Variants in THRB observed in about 807,000 individuals in gnomAD.
THRB encodes the protein thyroid hormone receptor beta.
Under a neutral mutation model 47.8 loss-of-function variants are expected in THRB, and 12 were observed. The ratio of observed to expected loss-of-function variants is 0.25; its 90% CI spans 0.16 to 0.41. The LOEUF (loss-of-function observed/expected upper bound fraction) is 0.41, where lower values mean the gene tolerates loss of function less well. Ranked by LOEUF, THRB falls within the 10% of genes least tolerant of loss-of-function variation. THRB has a pLI of 1.00. For synonymous variants in THRB, 218 were observed against 212.2 expected, an observed-to-expected ratio of 1.03 and a Z score of -0.24; for missense variants, 348 against 589.2, an observed-to-expected ratio of 0.59 and a Z score of 4.24.
At chr3:24,466,055 A>G (rs533631216) in intron 1 of THRB, among the ~76,000 whole-genome samples, 63 of 152,166 alleles carry the variant, frequency 4.1e-4, no homozygotes, top group African/African-American at 1.5e-3. Flanking sequence ...AGTTTTAGGC[A>G]TTATCTATTT....
At chr3:24,209,076 AT>A (rs2045728708) in intron 4 of THRB, among the ~76,000 whole-genome samples, 1 of 152,278 alleles carries the variant, frequency 6.6e-6, no homozygotes, top group Non-Finnish European at 1.5e-5. Context: ...CAACAGGCAC[AT>A]GAAAAAATGC....
intron 1 of THRB, among the ~76,000 whole-genome samples, chr3:24,403,995 C>T (rs983887721): frequency 3.3e-5 from 5 of 151,968 alleles, no homozygotes; most frequent in South Asian, 2.1e-4. Flanking sequence ...AAGTATTTGT[C>T]GCCAATGATA....
intron 6 of THRB, among the ~76,000 whole-genome samples, chr3:24,149,237 G>C (rs759525251): frequency 6.6e-6 from 1 of 152,146 alleles, no homozygotes; most frequent in Non-Finnish European, 1.5e-5. Context: ...AGGGTAGCAC[G>C]CCTCCTTCTG....
At chr3:24,388,708 A>G (rs187614038) in intron 1 of THRB, among the ~76,000 whole-genome samples, 1 of 151,978 alleles carries the variant, frequency 6.6e-6, no homozygotes, top group Admixed American at 6.6e-5. Flanking sequence ...CCCTTCATTT[A>G]TTTCCTTACC....
chr3:24,261,513 A>C (rs914594705), intron 3 of THRB, among the ~76,000 whole-genome samples: 11 of 150,026 alleles, frequency 7.3e-5, no homozygotes, highest in Non-Finnish European at 1.2e-4. Context: ...AAAAAAAAAA[A>C]AAAAACCAAA....
intron 1 of THRB, among the ~76,000 whole-genome samples, chr3:24,475,835 A>C (rs1695373148): frequency 6.6e-6 from 1 of 152,258 alleles, no homozygotes. Flanking sequence ...TGATTACAAA[A>C]GCTAATAAAG....
intron 3 of THRB, among the ~76,000 whole-genome samples, chr3:24,281,017 G>T (rs2054533515): frequency 1.3e-5 from 2 of 152,124 alleles, no homozygotes; most frequent in Admixed American, 6.5e-5. Flanking sequence ...CACTCTGCAG[G>T]ATATCATCCA....
At chr3:24,221,518 G>A (rs958787823) in intron 4 of THRB, among the ~76,000 whole-genome samples, 8 of 152,144 alleles carry the variant, frequency 5.3e-5, no homozygotes, top group Non-Finnish European at 7.4e-5. Context: ...TGATGATGTG[G>A]GAGGCAATGA....
At chr3:24,344,714 A>G (rs1284221141) in intron 1 of THRB, among the ~76,000 whole-genome samples, 1 of 152,032 alleles carries the variant, frequency 6.6e-6, no homozygotes, top group East Asian at 1.9e-4. Flanking sequence ...TCCGAAACAA[A>G]AGTTCCACAA....
chr3:24,166,183 G>A (rs1379294175), intron 5 of THRB, among the ~76,000 whole-genome samples: 1 of 152,168 alleles, frequency 6.6e-6, no homozygotes, highest in East Asian at 1.9e-4. Context: ...TACTTCATAA[G>A]CACTAATCTA....
At chr3:24,382,789 T>A (rs1041069280) in intron 1 of THRB, among the ~76,000 whole-genome samples, 3 of 152,146 alleles carry the variant, frequency 2.0e-5, no homozygotes, top group Non-Finnish European at 4.4e-5. Context: ...TAGTCCAAGC[T>A]ACTTTCACGC....
chr3:24,225,450 T>C (rs1018425762), intron 4 of THRB, among the ~76,000 whole-genome samples: 39 of 152,190 alleles, frequency 2.6e-4, no homozygotes, highest in African/African-American at 8.0e-4. Context: ...GGCATCATAA[T>C]AGAGTGACTT....
At chr3:24,215,842 C>A (rs2046508397) in intron 4 of THRB, among the ~76,000 whole-genome samples, 2 of 152,108 alleles carry the variant, frequency 1.3e-5, no homozygotes, top group African/African-American at 2.4e-5. Context: ...TCTCTTGCCT[C>A]TGTTTAGTGG....
rs140406962 is a variant in THRB at position 24,141,402 on chromosome 3, GCTT to G, written c.738+2096_738+2098del. ...AGCACAACGTCATCTCCTCAGAGATGCTTCTTCTGACCACCATGTTCACAGAAA... is the reference window on the plus strand; with the variant it reads ...AGCACAACGTCATCTCCTCAGAGATGCTTCTGACCACCATGTTCACAGAAA... On this transcript the variant is annotated intron_variant, in intron 8 of 10. Transcript: ENST00000646209. Among the ~76,000 whole-genome samples the G allele has an allele frequency of 5.3e-3, 801 of 152,302 alleles. 8 individuals are homozygous for G. The highest frequency in any genetic ancestry group is 0.019 in the African/African-American group (774 of 41,558).
At chr3:24,437,257 AT>A (rs2071061903) in intron 1 of THRB, among the ~76,000 whole-genome samples, 1 of 151,814 alleles carries the variant, frequency 6.6e-6, no homozygotes, top group African/African-American at 2.4e-5. Context: ...ATTGGAGGTC[AT>A]TGCGTTAAGT....
At position 24,269,954 on chromosome 3, in the gene THRB, A is replaced by C. The variant is rs144603442; in HGVS notation, c.-43+27272T>G. ...TGAATTGTTTTCTCACAAAACTCTTAGCTTTTTTTTTGCACCATCTAATGT... is the reference window on the plus strand; with the variant it reads ...TGAATTGTTTTCTCACAAAACTCTTCGCTTTTTTTTTGCACCATCTAATGT... On this transcript the variant is annotated intron_variant, in intron 3 of 10. Coordinates refer to ENST00000646209, the MANE Select transcript of THRB (RefSeq NM_001354712.2). 4.3e-3 allele frequency among the ~76,000 whole-genome samples: 650 copies of C among 152,202 alleles called. 8 individuals carry two copies. Among genetic ancestry groups the C allele is most frequent in the African/African-American group, 0.014 (576 of 41,516 alleles).
intron 6 of THRB, 62 bp from the exon 7 acceptor site, chr3:24,146,884 G>A: frequency 2.0e-6 from 3 of 1,514,394 alleles, no homozygotes; most frequent in East Asian, 2.3e-5. Context: ...AGTGATTCTG[G>A]AATTTTGTGT....
intron 3 of THRB, among the ~76,000 whole-genome samples, chr3:24,287,600 G>T (rs2055451139): frequency 6.6e-6 from 1 of 152,158 alleles, no homozygotes; most frequent in Non-Finnish European, 1.5e-5. Flanking sequence ...GAAAGGGAGA[G>T]AAGAAAACTA....
chr3:24,332,363 T>C (rs1299617823), intron 2 of THRB, among the ~76,000 whole-genome samples: 4 of 152,204 alleles, frequency 2.6e-5, no homozygotes, highest in Non-Finnish European at 1.5e-5. Flanking sequence ...ACCCCTGCTT[T>C]GGAGAAAAAA....
Sources: gnomAD v4.1 joint callset for allele counts (sites outside exome capture counted in the v4.1 genomes callset) on GRCh38, gnomAD v4.1.1 for gene constraint, MANE v1.5 for transcripts, NCBI Gene and HGNC (gene_info 2026-07-23, HGNC 2026-07-21) for gene names.